The following LRP1B variants were observed in gnomAD, a reference collection of about 807,000 sequenced individuals.
LRP1B encodes LDL receptor related protein 1B.
In LRP1B, 217 loss-of-function variants were observed where a neutral mutation model predicts 556.6. The observed-to-expected ratio is 0.39, with a 90% CI of 0.35 to 0.44. The LOEUF (loss-of-function observed/expected upper bound fraction) is 0.44, where lower values mean the gene tolerates loss of function less well. Among genes scored for constraint, LRP1B ranks in the 20% least tolerant of loss-of-function variants. LRP1B has a pLI of 1.00. For missense variants in LRP1B, 5,053 were observed against 5,620.8 expected (o/e 0.90, Z 3.23); for synonymous variants, 2,047 against 1,865.8 (o/e 1.10, Z -2.50).
intron 2 of LRP1B, among the ~76,000 whole-genome samples, chr2:141,529,105 G>A (rs1684788365): frequency 6.6e-6 from 1 of 152,204 alleles, no homozygotes; most frequent in South Asian, 2.1e-4. Context: ...TGACCGTGAA[G>A]CCTGGCCTGT....
At chr2:140,356,192 G>T in intron 75 of LRP1B, 150 bp downstream of exon 75, 1 of 766,244 alleles carries the variant, frequency 1.3e-6, no homozygotes, top group South Asian at 1.8e-5. Flanking sequence ...CTTGACCCCA[G>T]AGACTTTCAT....
intron 3 of LRP1B, among the ~76,000 whole-genome samples, chr2:141,442,766 T>C (rs187699654): frequency 2.0e-5 from 3 of 152,300 alleles, no homozygotes; most frequent in Non-Finnish European, 2.9e-5. Flanking sequence ...AACACATCCT[T>C]CTTTATGGCT....
intron 1 of LRP1B, among the ~76,000 whole-genome samples, chr2:142,041,019 T>G (rs1289139503): frequency 6.6e-6 from 1 of 151,420 alleles, no homozygotes; most frequent in African/African-American, 2.4e-5. Context: ...TCTAAAAACT[T>G]GAATGTTTCA....
chr2:141,274,249 A>G (rs1220193300), intron 3 of LRP1B, among the ~76,000 whole-genome samples: 1 of 152,222 alleles, frequency 6.6e-6, no homozygotes, highest in Non-Finnish European at 1.5e-5. Context: ...AAAAACTTGT[A>G]TATGAATATT....
intron 23 of LRP1B, among the ~76,000 whole-genome samples, chr2:140,887,552 T>G (rs2105195120): frequency 6.6e-6 from 1 of 152,176 alleles, no homozygotes; most frequent in African/African-American, 2.4e-5. Flanking sequence ...CAGCAAAAAT[T>G]CCAGTTCTAG....
At chr2:140,483,546 T>A (rs1182090781) in intron 59 of LRP1B, among the ~76,000 whole-genome samples, 2 of 144,654 alleles carry the variant, frequency 1.4e-5, no homozygotes, top group East Asian at 4.1e-4. Flanking sequence ...AGAAAAAAAA[T>A]TGTTCAGACA....
At chr2:141,319,766 G>A (rs537563198) in intron 3 of LRP1B, among the ~76,000 whole-genome samples, 104 of 152,030 alleles carry the variant, frequency 6.8e-4, no homozygotes, top group African/African-American at 2.0e-3. Context: ...TGCTTTTCTC[G>A]TTTCAATTTT....
chr2:141,957,004 G>A (rs1701272440), intron 1 of LRP1B, among the ~76,000 whole-genome samples: 1 of 152,022 alleles, frequency 6.6e-6, no homozygotes, highest in South Asian at 2.1e-4. Flanking sequence ...ATAGGGGTAG[G>A]TGTGATCACT....
chr2:140,476,305 T>C (rs1236547235), intron 59 of LRP1B, among the ~76,000 whole-genome samples: 1 of 152,066 alleles, frequency 6.6e-6, no homozygotes, highest in Non-Finnish European at 1.5e-5. Flanking sequence ...TTAACACAAG[T>C]AGATTTTTCT....
intron 2 of LRP1B, among the ~76,000 whole-genome samples, chr2:141,547,756 T>C (rs903314653): frequency 2.6e-5 from 4 of 152,196 alleles, no homozygotes; most frequent in Non-Finnish European, 5.9e-5. Flanking sequence ...TTCTTTTTAA[T>C]ATCTCCTTTT....
chr2:140,577,151 A>C (rs1681558687), intron 43 of LRP1B, among the ~76,000 whole-genome samples: 1 of 152,142 alleles, frequency 6.6e-6, no homozygotes, highest in Admixed American at 6.5e-5. Context: ...CTACTGGGAG[A>C]TCAACTTTGA....
intron 1 of LRP1B, among the ~76,000 whole-genome samples, chr2:142,001,335 G>T (rs1438476421): frequency 6.6e-6 from 1 of 152,196 alleles, no homozygotes; most frequent in East Asian, 1.9e-4. Flanking sequence ...CTATTGCCTG[G>T]TTGTTAGCAA....
chr2:140,607,487 T>C (rs1324423356), intron 41 of LRP1B, among the ~76,000 whole-genome samples: 1 of 152,142 alleles, frequency 6.6e-6, no homozygotes, highest in Non-Finnish European at 1.5e-5. Context: ...ATAGCAGCTT[T>C]ATTTGTAATA....
chr2:141,211,797 A>C (rs1396161009), intron 6 of LRP1B, among the ~76,000 whole-genome samples: 1 of 152,212 alleles, frequency 6.6e-6, no homozygotes, highest in Non-Finnish European at 1.5e-5. Context: ...GGGAATTCTG[A>C]AAATTCTCTG....
chr2:140,439,574 G>A (rs1686335965), intron 66 of LRP1B, among the ~76,000 whole-genome samples: 1 of 152,034 alleles, frequency 6.6e-6, no homozygotes, highest in Admixed American at 6.6e-5. Flanking sequence ...TGTGCCAAAT[G>A]TATATTTTTA....
chr2:141,903,962 G>A (rs1699689545), intron 1 of LRP1B, among the ~76,000 whole-genome samples: 1 of 151,876 alleles, frequency 6.6e-6, no homozygotes, highest in Non-Finnish European at 1.5e-5. Flanking sequence ...ATCATGAGAA[G>A]AAGCAAGATC....
Position 141,796,828 on chromosome 2 carries a change from T to G in LRP1B, c.205+13451A>C, listed in dbSNP as rs57938540. ...AACCATCTTTGGGAGGAATTTTTTT[T>G]TGTGTGTGAAATGAAACCTTCTTCA... On this transcript the variant is annotated intron_variant, in intron 2 of 90. Coordinates refer to ENST00000389484, the MANE Select transcript of LRP1B (RefSeq NM_018557.3). Among the ~76,000 whole-genome samples, 369 of 151,936 alleles carry G rather than the reference T, an allele frequency of 2.4e-3. 4 individuals carry two copies. Among genetic ancestry groups the G allele is most frequent in the South Asian group, 0.011 (54 of 4,820 alleles).
intron 29 of LRP1B, among the ~76,000 whole-genome samples, chr2:140,844,287 G>A (rs953807650): frequency 2.0e-5 from 3 of 151,934 alleles, no homozygotes; most frequent in African/African-American, 7.3e-5. Context: ...TGGTCCCAAA[G>A]TCCTGACCTC....
At chr2:140,563,887 A>T (rs80313936) in intron 43 of LRP1B, among the ~76,000 whole-genome samples, 6,346 of 152,256 alleles carry the variant, frequency 0.042, 180 homozygotes, top group Middle Eastern at 0.082. Flanking sequence ...ATTGAAGTAG[A>T]TGGACAGAAG....
Sources: allele counts gnomAD v4.1 joint callset (sites outside exome capture counted in the v4.1 genomes callset), GRCh38; gene constraint gnomAD v4.1.1; transcripts MANE v1.5; gene names NCBI Gene and HGNC (gene_info 2026-07-23, HGNC 2026-07-21).